CCPG1: variants seen among roughly 807,000 people sequenced by gnomAD.
The protein encoded by CCPG1 is cell cycle progression protein 1.
In CCPG1, 46 loss-of-function variants were observed where a neutral mutation model predicts 81.3. That is an observed-to-expected ratio of 0.57 (90% CI 0.45 to 0.72). The LOEUF (loss-of-function observed/expected upper bound fraction) is 0.72. Among genes scored for constraint, CCPG1 ranks in the 30% least tolerant of loss-of-function variants. CCPG1 has a pLI of 0.00. For missense variants in CCPG1, 902 were observed against 937.6 expected, an observed-to-expected ratio of 0.96 and a Z score of 0.50; for synonymous variants, 330 against 305.2, an observed-to-expected ratio of 1.08 and a Z score of -0.85.
chr15:55,400,759 A>C (rs1183089912), intron 1 of CCPG1, among the ~76,000 whole-genome samples: 1 of 152,182 alleles, frequency 6.6e-6, no homozygotes, highest in African/African-American at 2.4e-5. Context: ...TTCCAGGAAG[A>C]CTTCAGTGGG....
intron 5 of CCPG1, among the ~76,000 whole-genome samples, chr15:55,375,209 A>G (rs545621303): frequency 3.3e-5 from 5 of 152,156 alleles, no homozygotes; most frequent in African/African-American, 9.7e-5. Flanking sequence ...GTTAATATGT[A>G]ATTTCTTTCT....
At chr15:55,403,700 T>A (rs1418168728) in intron 1 of CCPG1, among the ~76,000 whole-genome samples, 1 of 152,224 alleles carries the variant, frequency 6.6e-6, no homozygotes, top group African/African-American at 2.4e-5. Context: ...CTAGTTACAA[T>A]TATGGAACTG....
chr15:55,358,528 C>T, intron 8 of CCPG1: 1 of 985,410 alleles, frequency 1.0e-6, no homozygotes, highest in Non-Finnish European at 1.2e-6. Context: ...AGTGTATCTT[C>T]ACATCTCCAA....
intron 8 of CCPG1, chr15:55,357,429 A>G (rs763949952): frequency 1.3e-5 from 13 of 985,216 alleles, no homozygotes; most frequent in African/African-American, 3.5e-5. Flanking sequence ...TTTCCCATCA[A>G]TCCTCTAGGC....
intron 5 of CCPG1, chr15:55,372,892 G>A (rs2056482922): frequency 1.9e-6 from 1 of 520,678 alleles, no homozygotes. Context: ...ATTAGCCCAT[G>A]ATCAAGGTTC....
At chr15:55,358,810 A>G (rs1373424098) in intron 8 of CCPG1, 1 of 981,740 alleles carries the variant, frequency 1.0e-6, no homozygotes, top group African/African-American at 1.8e-5. Flanking sequence ...ATACCAGCTT[A>G]ATGACTAAAG....
rs111998132 is a variant in CCPG1, at chr15:55,385,704, A to G, written c.71T>C (p.Ile24Thr). 19 of 1,581,966 alleles carry G rather than the reference A, an allele frequency of 1.2e-5. No homozygotes were observed. Among genetic ancestry groups the G allele is most frequent in the African/African-American group, 8.1e-5 (6 of 74,342 alleles). Reference sequence around the variant, plus strand: ...GGGGGTCACAGAATTCAACATTTCTATATCTGACCCCTAAGGAAAAGTGAT... The same window carrying G: ...GGGGGTCACAGAATTCAACATTTCTGTATCTGACCCCTAAGGAAAAGTGAT... ...WTVISHEGSD[I>T]EMLNSVTPTD... is the part of the protein sequence containing the mutation. The change falls in exon 3 of 9, where the codon ATA becomes ACA. Residue 24 changes from isoleucine to threonine, a missense_variant. This residue lies in a region of CCPG1 where 28 missense variants were observed against 47.8 expected (regional missense o/e 0.59). Transcript: ENST00000442196.
At chr15:55,407,176 C>T (rs1379616604) in intron 1 of CCPG1, among the ~76,000 whole-genome samples, 2 of 150,664 alleles carry the variant, frequency 1.3e-5, no homozygotes, top group Admixed American at 6.6e-5. Context: ...TGCAGTGAGC[C>T]GAGATCGCGC....
intron 8 of CCPG1, 78 bp from the exon 9 acceptor site, chr15:55,356,487 C>A (rs2056078523): frequency 7.6e-7 from 1 of 1,323,134 alleles, no homozygotes; most frequent in Non-Finnish European, 1.0e-6. Flanking sequence ...AATGTTTTCT[C>A]CATTAATCTA....
chr15:55,373,840 T>G (rs994918954), intron 5 of CCPG1, among the ~76,000 whole-genome samples: 2 of 152,262 alleles, frequency 1.3e-5, no homozygotes, highest in Non-Finnish European at 2.9e-5. Context: ...ACCTTCATTA[T>G]ATATTCTAAC....
chr15:55,394,398 A>C (rs1209581363), intron 1 of CCPG1, among the ~76,000 whole-genome samples: 1 of 152,172 alleles, frequency 6.6e-6, no homozygotes, highest in Non-Finnish European at 1.5e-5. Flanking sequence ...TTCTATATGA[A>C]ACAAGAAGTA....
At chr15:55,406,244 G>T (rs2057217582) in intron 1 of CCPG1, among the ~76,000 whole-genome samples, 1 of 150,710 alleles carries the variant, frequency 6.6e-6, no homozygotes, top group Non-Finnish European at 1.5e-5. Flanking sequence ...ATAAGGGTGG[G>T]GCTTTCCACT....
chr15:55,362,049 A>G (rs1455106001), intron 7 of CCPG1, among the ~76,000 whole-genome samples: 2 of 152,224 alleles, frequency 1.3e-5, no homozygotes, highest in Admixed American at 6.5e-5. Flanking sequence ...GGTAGAAATC[A>G]TGGTCAATTC....
intron 5 of CCPG1, among the ~76,000 whole-genome samples, chr15:55,376,305 C>G (rs1324510709): frequency 2.0e-5 from 3 of 152,178 alleles, no homozygotes; most frequent in East Asian, 3.8e-4. Flanking sequence ...TGAGCTGAAG[C>G]ATAGCAGAAA....
intron 3 of CCPG1, among the ~76,000 whole-genome samples, chr15:55,384,397 C>T (rs536676623): frequency 2.6e-5 from 4 of 152,292 alleles, no homozygotes; most frequent in African/African-American, 9.6e-5. Context: ...CAGTGGCTCA[C>T]GCCTGTAATC....
intron 8 of CCPG1, chr15:55,356,756 G>A (rs920711454): frequency 5.1e-5 from 52 of 1,022,020 alleles, no homozygotes; most frequent in Non-Finnish European, 5.8e-5. Context: ...TCACTCAGCA[G>A]AAATACATAC....
At chr15:55,406,479 TCTCA>T (rs2057227314) in intron 1 of CCPG1, among the ~76,000 whole-genome samples, 1 of 143,618 alleles carries the variant, frequency 7.0e-6, no homozygotes, top group Admixed American at 7.2e-5. Flanking sequence ...TTTGAGATAA[TCTCA>T]CTCTGTCACC....
rs187502884 is a variant in CCPG1 at position 55,359,057 on chromosome 15, A to G, written c.2234+482T>C. 4.1e-6 allele frequency: 4 copies of G among 984,850 alleles called. No homozygotes were observed. In the African/African-American group the frequency reaches 5.2e-5, roughly 13 times the overall value. The allele number at this position is 984,850 out of a possible 1,614,324, so 61.0% of individuals were successfully genotyped here. ...AAAGATAATTATGTGACTAAGTATC[A>G]TAACTAAGCTGGTACATGGAATGGA... On this transcript the variant is annotated intron_variant, in intron 8 of 8. Transcript: ENST00000442196.
chr15:55,363,530 A>G (rs2056250445), intron 7 of CCPG1, among the ~76,000 whole-genome samples: 1 of 150,480 alleles, frequency 6.6e-6, no homozygotes, highest in African/African-American at 2.4e-5. Flanking sequence ...AACTATTTAT[A>G]ATTAACTTCA....
Sources: allele counts gnomAD v4.1 joint callset (sites outside exome capture counted in the v4.1 genomes callset), GRCh38; gene constraint gnomAD v4.1.1; regional missense constraint gnomAD v4.1.1; transcripts MANE v1.5; gene names NCBI Gene and HGNC (gene_info 2026-07-23, HGNC 2026-07-21).